RP9: variants seen among roughly 807,000 people sequenced by gnomAD.
RP9 encodes the protein RP9 pre-mRNA splicing factor.
A neutral mutation model predicts 32.6 loss-of-function variants in RP9; 23 were observed. The observed-to-expected ratio is 0.71, with a 90% CI of 0.51 to 1.00. The LOEUF (loss-of-function observed/expected upper bound fraction) is 1.00. Among genes scored for constraint, RP9 ranks in the 50% least tolerant of loss-of-function variants. The probability of loss-of-function intolerance (pLI) is 0.00; values close to 1 mark genes in which losing one functional copy is unlikely to be tolerated. For missense variants in RP9, 245 were observed against 285.3 expected (o/e 0.86, Z 1.02); for synonymous variants, 94 against 103.6 (o/e 0.91, Z 0.56).
At chr7:33,107,181 A>G (rs1788511339) in intron 1 of RP9, among the ~76,000 whole-genome samples, 1 of 152,236 alleles carries the variant, frequency 6.6e-6, no homozygotes, top group African/African-American at 2.4e-5. Context: ...GAACTGGCCA[A>G]AGCAAATGTC....
In RP9 at chr7:33,109,135, C is replaced by G. The variant is rs1584006963; in HGVS notation, c.152+86G>C. The G allele has an allele frequency of 2.1e-6, 3 of 1,431,904 alleles. No individual in the cohort carries two copies. Among genetic ancestry groups the G allele is most frequent in the East Asian group, 6.5e-5 (2 of 30,836 alleles). The allele number at this position is 1,431,904 out of a possible 1,614,324, so 88.7% of individuals were successfully genotyped here. ...CCTGCTCGCGGGGGCTCGGAGGACC[C>G]GGCCTAGCGCCCACCGCGGCGTCCC... On this transcript the variant is annotated intron_variant, in intron 1 of 5. Coordinates refer to ENST00000297157, the MANE Select transcript of RP9 (RefSeq NM_203288.2). The surrounding 1 kb of genome is among the most constrained non-coding windows in gnomAD (Gnocchi z 4.9).
rs1285668953 is a variant in RP9, at chr7:33,109,313, C to T, written c.60G>A (p.Glu20=). 2.7e-6 allele frequency: 4 copies of T among 1,466,204 alleles called. No homozygotes were observed. The highest frequency in any genetic ancestry group is 3.6e-6 in the Non-Finnish European group (4 of 1,113,372). The allele number at this position is 1,466,204 out of a possible 1,614,324, so 90.8% of individuals were successfully genotyped here. Residue 20 remains glutamate, a synonymous_variant, in exon 1 of 6, where the codon GAG becomes GAA. Transcript: ENST00000297157. The surrounding 1 kb of genome is among the most constrained non-coding windows in gnomAD (Gnocchi z 4.9). ...GTCGCTGCAGCTCCTGCTCCGGCGG[C>T]TCACGCGGCCGCCGCGCGCCCGCAG... The part of the protein sequence containing the change: ...VGAAGARRPR[E]PPEQELQRRR...
intron 1 of RP9, among the ~76,000 whole-genome samples, chr7:33,101,601 TAA>T (rs143652426): frequency 0.5 from 72,484 of 144,772 alleles, 17,879 homozygotes; most frequent in African/African-American, 0.56. Flanking sequence ...GACTCTGTCT[TAA>T]AAAAAAAAAA....
chr7:33,105,638 A>G (rs1212161541), intron 1 of RP9, among the ~76,000 whole-genome samples: 4 of 152,202 alleles, frequency 2.6e-5, no homozygotes, highest in Admixed American at 2.6e-4. Flanking sequence ...TTGATAGATC[A>G]GGACCCCTCA....
At chr7:33,103,767 T>G (rs1788461297) in intron 1 of RP9, among the ~76,000 whole-genome samples, 1 of 151,946 alleles carries the variant, frequency 6.6e-6, no homozygotes, top group Non-Finnish European at 1.5e-5. Context: ...CTGTAGTGAG[T>G]TATAATCGTG....
In RP9 at chr7:33,096,568, G is replaced by C; in HGVS notation, c.406-14C>G. 1 of 1,596,996 alleles carries C rather than the reference G, an allele frequency of 6.3e-7. No individual in the cohort carries two copies. Among genetic ancestry groups the C allele is most frequent in the Non-Finnish European group, 8.6e-7 (1 of 1,164,432 alleles). On this transcript the variant is annotated splice_polypyrimidine_tract_variant and intron_variant, in intron 4 of 5. Transcript: ENST00000297157. Reference sequence around the variant, plus strand: ...ATCTTCATGTGCCTTAAGGGTCAGAGAAGGTTAAGGTTTGGTTAGGCTTCA... The same window carrying C: ...ATCTTCATGTGCCTTAAGGGTCAGACAAGGTTAAGGTTTGGTTAGGCTTCA...
intron 1 of RP9, chr7:33,101,007 ATT>A (rs79059350): frequency 0.014 from 3,705 of 266,364 alleles, no homozygotes; most frequent in Middle Eastern, 0.027. Context: ...TTAGGGAAGT[ATT>A]TTTTTTTTTT....
At position 33,096,452 on chromosome 7, in the gene RP9, A is replaced by C. The variant is rs776798833; in HGVS notation, c.467+41T>G. 7.6e-6 allele frequency: 11 copies of C among 1,438,306 alleles called. No individual in the cohort carries two copies. In the South Asian group the frequency reaches 1.3e-4, roughly 16 times the overall value. The allele number at this position is 1,438,306 out of a possible 1,614,324, so 89.1% of individuals were successfully genotyped here. ...GTTTTCTCCAACTTTATATAATTTT[A>C]AAACTTTAAGGGGATATTGTTATCA... On this transcript the variant is annotated intron_variant, in intron 5 of 5. Transcript: ENST00000297157.
intron 3 of RP9, 156 bp downstream of exon 3, chr7:33,099,151 G>T (rs1389249796): frequency 1.2e-5 from 10 of 821,152 alleles, no homozygotes; most frequent in African/African-American, 1.7e-5. Context: ...GCACGGTGGT[G>T]GGGGGTGGGG....
intron 1 of RP9, among the ~76,000 whole-genome samples, chr7:33,106,297 T>C (rs924314521): frequency 2.0e-5 from 3 of 152,062 alleles, no homozygotes; most frequent in Admixed American, 2.0e-4. Flanking sequence ...GCCTCCCAAG[T>C]AGCTGGAACC....
chr7:33,098,184 G>C (rs560039837), intron 3 of RP9, among the ~76,000 whole-genome samples: 3 of 151,832 alleles, frequency 2.0e-5, no homozygotes, highest in Admixed American at 2.0e-4. Context: ...CCAGGAGTTC[G>C]AGACTAGCTT....
intron 1 of RP9, among the ~76,000 whole-genome samples, chr7:33,106,800 T>C (rs1412674325): frequency 6.6e-6 from 1 of 151,946 alleles, no homozygotes; most frequent in Non-Finnish European, 1.5e-5. Context: ...AAAAATTAGC[T>C]GGGCATGGTG....
Position 33,109,136 on chromosome 7 carries a change from G to C in RP9, c.152+85C>G. 1 of 1,436,644 alleles carries C rather than the reference G, an allele frequency of 7.0e-7. No homozygotes were observed. Among genetic ancestry groups the C allele is most frequent in the Non-Finnish European group, 9.1e-7 (1 of 1,094,554 alleles). 89.0% of individuals were successfully genotyped at this position (1,436,644 alleles called of 1,614,324 possible). On this transcript the variant is annotated intron_variant, in intron 1 of 5. Transcript: ENST00000297157. The surrounding 1 kb of genome is among the most constrained non-coding windows in gnomAD (Gnocchi z 4.9). ...CTGCTCGCGGGGGCTCGGAGGACCC[G>C]GCCTAGCGCCCACCGCGGCGTCCCG...
rs1015383798 is a variant in RP9 at position 33,098,995 on chromosome 7, G to A, written c.313+312C>T. Reference sequence around the variant, plus strand: ...GCTCGGGCTGACATAACAAAATGCCGTATTCTGGGTGGCCTAAACAACAGA... The same window carrying A: ...GCTCGGGCTGACATAACAAAATGCCATATTCTGGGTGGCCTAAACAACAGA... On this transcript the variant is annotated intron_variant, in intron 3 of 5. Coordinates refer to ENST00000297157, the MANE Select transcript of RP9 (RefSeq NM_203288.2). The A allele has an allele frequency of 6.8e-5, 30 of 442,752 alleles. No homozygotes were observed. The Middle Eastern group carries it at 2.1e-3, about 30-fold the overall frequency. 27.4% of individuals were successfully genotyped at this position (442,752 alleles called of 1,614,324 possible). A position where few individuals can be genotyped will look rare whatever the true frequency, so the allele number is the denominator to read the frequency against.
At chr7:33,099,011 A>C (rs921388884) in intron 3 of RP9, 1 of 482,908 alleles carries the variant, frequency 2.1e-6, no homozygotes, top group Non-Finnish European at 3.8e-6. Flanking sequence ...TGGGTGGCCT[A>C]AACAACAGAA....
intron 1 of RP9, among the ~76,000 whole-genome samples, chr7:33,108,767 C>T (rs1431911407): frequency 6.6e-6 from 1 of 152,208 alleles, no homozygotes; most frequent in African/African-American, 2.4e-5. Context: ...CTTTTGTGGC[C>T]CTCTAGTGCA....
rs773031086 is a variant in RP9 at position 33,097,344 on chromosome 7, T to C, written c.332A>G (p.Tyr111Cys). The C allele has an allele frequency of 3.1e-6, 5 of 1,613,474 alleles. No homozygotes were observed. The highest frequency in any genetic ancestry group is 2.7e-5 in the African/African-American group (2 of 74,936). Residue 111 changes from tyrosine (Y) to cysteine (C), a missense_variant, in exon 4 of 6, where the codon TAT (tyrosine) becomes TGT (cysteine). Tyr to Cys is a radical substitution (Grantham distance 194). Coordinates refer to ENST00000297157, the MANE Select transcript of RP9 (RefSeq NM_203288.2). The part of the protein sequence containing the change: ...KVMQCWRCKR[Y>C]GHRTGDKECP... ...TTCTTTGTCACCCGTTCGGTGACCA[T>C]AGCGTTTGCAACGCCAACCTAAAAA...
rs575445994 is a variant in RP9 at position 33,097,900 on chromosome 7, G to A, written c.314-538C>T. Among the ~76,000 whole-genome samples the A allele has an allele frequency of 7.6e-3, 1,160 of 152,218 alleles. 9 individuals are homozygous for A. The highest frequency in any genetic ancestry group is 0.026 in the African/African-American group (1,069 of 41,536). ...CTCCCAAAGTGCTGGGATTACAGGC[G>A]TGAGCCACCACGCCCGGCCCAAAAG... On this transcript the variant is annotated intron_variant, in intron 3 of 5. Transcript: ENST00000297157.
chr7:33,097,933 T>G (rs1788365560), intron 3 of RP9, among the ~76,000 whole-genome samples: 1 of 152,234 alleles, frequency 6.6e-6, no homozygotes, highest in East Asian at 1.9e-4. Flanking sequence ...AAGGTACATT[T>G]TTTTTAAAGT....
Sources: allele counts gnomAD v4.1 joint callset (sites outside exome capture counted in the v4.1 genomes callset), GRCh38; gene constraint gnomAD v4.1.1; non-coding constraint Gnocchi (gnomAD v3.1); transcripts MANE v1.5; gene names NCBI Gene and HGNC (gene_info 2026-07-23, HGNC 2026-07-21).